NINL: variants seen among roughly 807,000 people sequenced by gnomAD.
NINL encodes ninein like.
A neutral mutation model predicts 160.3 loss-of-function variants in NINL; 153 were observed. The observed-to-expected ratio is 0.95, with a 90% CI of 0.84 to 1.09. The LOEUF (loss-of-function observed/expected upper bound fraction) is 1.09. Among genes scored for constraint, NINL ranks in the 50% least tolerant of loss-of-function variants. The pLI, the probability that NINL is intolerant of heterozygous loss-of-function variation, is 0.00. For missense variants in NINL, 1,829 were observed against 1,764.0 expected, an observed-to-expected ratio of 1.04 and a Z score of -0.66; for synonymous variants, 800 against 734.8, an observed-to-expected ratio of 1.09 and a Z score of -1.43.
At chr20:25,464,737 C>G (rs1019199123) in intron 19 of NINL, among the ~76,000 whole-genome samples, 3 of 152,194 alleles carry the variant, frequency 2.0e-5, no homozygotes, top group Non-Finnish European at 4.4e-5. Flanking sequence ...GCATCCTTCC[C>G]GGCACAGGAT....
At chr20:25,484,483 T>C (rs1226546440) in intron 13 of NINL, among the ~76,000 whole-genome samples, 5 of 152,150 alleles carry the variant, frequency 3.3e-5, no homozygotes, top group Non-Finnish European at 4.4e-5. Context: ...TGTGGAAACA[T>C]TTGACAAAAC....
intron 19 of NINL, among the ~76,000 whole-genome samples, chr20:25,465,552 G>A (rs1404716980): frequency 1.3e-5 from 2 of 152,020 alleles, no homozygotes; most frequent in African/African-American, 4.8e-5. Context: ...ATGAGGAGAG[G>A]CCCCAGACAG....
In NINL at chr20:25,462,449, C is replaced by G. The variant is rs766091610; in HGVS notation, c.3516G>C (p.Glu1172Asp). The change falls in exon 20 of 24, where the codon GAG (glutamate) becomes GAC (aspartate). Residue 1172 changes from glutamate to aspartate, a missense_variant. Coordinates refer to ENST00000278886, the MANE Select transcript of NINL (RefSeq NM_025176.6). ...TTAACATCTGAATGGTCACACGATG[C>G]TCCTCGTTTTGGGCCTGGTGGGTAG... is the stretch of plus-strand genomic sequence containing the variant. ...EASTHQAQNEEHRVTIQMLTQ... is the reference protein window; with the variant it reads ...EASTHQAQNEDHRVTIQMLTQ... 5 of 1,614,228 alleles carry G rather than the reference C, an allele frequency of 3.1e-6. No homozygotes were observed. Among genetic ancestry groups the G allele is most frequent in the Non-Finnish European group, 8.5e-7 (1 of 1,180,044 alleles).
intron 1 of NINL, among the ~76,000 whole-genome samples, chr20:25,555,405 A>G (rs1234339367): frequency 6.6e-6 from 1 of 152,218 alleles, no homozygotes; most frequent in Non-Finnish European, 1.5e-5. Flanking sequence ...ACAATATACC[A>G]TGGATAATGT....
chr20:25,509,837 G>A, intron 5 of NINL: 1 of 402,116 alleles, frequency 2.5e-6, no homozygotes, highest in Non-Finnish European at 4.9e-6. Flanking sequence ...TGTCAAGGAA[G>A]TATTATAGGC....
At chr20:25,519,766 C>T (rs1179443091) in intron 2 of NINL, among the ~76,000 whole-genome samples, 1 of 151,958 alleles carries the variant, frequency 6.6e-6, no homozygotes, top group African/African-American at 2.4e-5. Flanking sequence ...CCTGTAATCC[C>T]AGCACTTCGG....
chr20:25,498,766 G>A (rs1201631500), intron 8 of NINL, among the ~76,000 whole-genome samples: 1 of 152,208 alleles, frequency 6.6e-6, no homozygotes, highest in Non-Finnish European at 1.5e-5. Flanking sequence ...TGCAGCTCAT[G>A]CCACCAAGAA....
rs1038993423 is a variant in NINL, at chr20:25,480,176, G to C, written c.1902C>G (p.Thr634=). The C allele has an allele frequency of 2.5e-6, 4 of 1,613,692 alleles. No individual in the cohort carries two copies. The highest frequency in any genetic ancestry group is 2.5e-6 in the Non-Finnish European group (3 of 1,179,720). The change falls in exon 15 of 24, where the codon ACC becomes ACG. Residue 634 remains threonine (T), a synonymous_variant. Transcript: ENST00000278886. ...ATCCCCTCACCTTGGTCTCCAGCTGGGTCCTGAGGTCTTGGTAATGCTCCT... is the reference window on the plus strand; with the variant it reads ...ATCCCCTCACCTTGGTCTCCAGCTGCGTCCTGAGGTCTTGGTAATGCTCCT... The part of the protein sequence containing the change: ...QVKEHYQDLR[T]QLETKVNYYE...
intron 5 of NINL, among the ~76,000 whole-genome samples, chr20:25,508,833 G>A (rs546817723): frequency 2.0e-5 from 3 of 152,010 alleles, no homozygotes; most frequent in Admixed American, 1.3e-4. Context: ...CACCGTACAT[G>A]CCTGGCTGCT....
In NINL at chr20:25,526,543, G is replaced by C; in HGVS notation, c.45C>G (p.Val15=). 1 of 1,614,228 alleles carries C rather than the reference G, an allele frequency of 6.2e-7. No homozygotes were observed. Among genetic ancestry groups the C allele is most frequent in the Non-Finnish European group, 8.5e-7 (1 of 1,180,030 alleles). Residue 15 remains valine (V), a synonymous_variant, in exon 2 of 24, where the codon GTC becomes GTG. Coordinates refer to ENST00000278886, the MANE Select transcript of NINL (RefSeq NM_025176.6). ...TCCCCGTGGTGTCGCAGCTGCTGTA[G>C]ACTTCCCTGAGCTGCGAGACATAGT... ...ENHYVSQLRE[V]YSSCDTTGTG...
intron 17 of NINL, among the ~76,000 whole-genome samples, chr20:25,474,802 G>A (rs1601055033): frequency 6.8e-6 from 1 of 147,176 alleles, no homozygotes; most frequent in African/African-American, 2.5e-5. Context: ...TTTTTTTTTT[G>A]GAGACAGAGT....
chr20:25,475,396 A>G (rs1396998822), intron 17 of NINL, among the ~76,000 whole-genome samples: 1 of 152,246 alleles, frequency 6.6e-6, no homozygotes, highest in Non-Finnish European at 1.5e-5. Flanking sequence ...AACACTTCCA[A>G]ACTCATTCTA....
At chr20:25,488,161 C>G (rs942529044) in intron 13 of NINL, among the ~76,000 whole-genome samples, 8 of 152,248 alleles carry the variant, frequency 5.3e-5, no homozygotes, top group African/African-American at 1.9e-4. Context: ...CAGCAGCCCA[C>G]ATGTGGCCCA....
chr20:25,503,238 G>A (rs908397392), intron 7 of NINL, among the ~76,000 whole-genome samples: 4 of 141,588 alleles, frequency 2.8e-5, no homozygotes, highest in Non-Finnish European at 6.1e-5. Context: ...TTCCTCACCT[G>A]AGCACTGCCT....
At chr20:25,501,450 GC>G (rs2063866085) in intron 7 of NINL, among the ~76,000 whole-genome samples, 1 of 152,216 alleles carries the variant, frequency 6.6e-6, no homozygotes, top group South Asian at 2.1e-4. Flanking sequence ...CCCAAGGCAG[GC>G]TGGAAGGGCA....
At chr20:25,482,900 T>C (rs1164952627) in intron 13 of NINL, among the ~76,000 whole-genome samples, 1 of 151,638 alleles carries the variant, frequency 6.6e-6, no homozygotes, top group Non-Finnish European at 1.5e-5. Flanking sequence ...GGCATGCGCC[T>C]GTAATCTCAG....
At position 25,497,636 on chromosome 20, in the gene NINL, C is replaced by A. The variant is rs538069500; in HGVS notation, c.1169+574G>T. On this transcript the variant is annotated intron_variant, in intron 9 of 23. Transcript: ENST00000278886. ...AATGGTCAGCCAAACCAAACAGACA[C>A]AATTAAAAGGGAATGGGTTCTCAGC... Among the ~76,000 whole-genome samples the A allele has an allele frequency of 4.6e-5, 7 of 152,336 alleles. No individual in the cohort carries two copies. In the East Asian group the frequency reaches 1.2e-3, roughly 25 times the overall value.
intron 1 of NINL, among the ~76,000 whole-genome samples, chr20:25,553,465 CT>C (rs1406141092): frequency 6.6e-6 from 1 of 152,116 alleles, no homozygotes; most frequent in African/African-American, 2.4e-5. Context: ...GGGAAAGGTA[CT>C]TTCTGATTTT....
At chr20:25,470,443 C>T (rs145888797) in intron 17 of NINL, among the ~76,000 whole-genome samples, 44 of 152,318 alleles carry the variant, frequency 2.9e-4, no homozygotes, top group African/African-American at 9.4e-4. Context: ...CAGTGCTGGG[C>T]GTGAGTCCTC....
Sources: gnomAD v4.1 joint callset for allele counts (sites outside exome capture counted in the v4.1 genomes callset) on GRCh38, gnomAD v4.1.1 for gene constraint, MANE v1.5 for transcripts, NCBI Gene and HGNC (gene_info 2026-07-23, HGNC 2026-07-21) for gene names.